Variants in NUP155 observed in about 807,000 individuals in gnomAD.
NUP155 encodes nuclear pore complex protein Nup155.
In NUP155, 71 loss-of-function variants were observed where a neutral mutation model predicts 180.4. The observed-to-expected ratio is 0.39, with a 90% CI of 0.33 to 0.48. NUP155 has a LOEUF of 0.48. NUP155 is among the 20% of genes least tolerant of loss of function. NUP155 has a pLI of 0.91. For missense variants in NUP155, 1,553 were observed against 1,648.9 expected (o/e 0.94, Z 1.01); for synonymous variants, 582 against 559.5 (o/e 1.04, Z -0.57).
At chr5:37,325,267 G>A (rs1225095324) in intron 19 of NUP155, among the ~76,000 whole-genome samples, 2 of 152,178 alleles carry the variant, frequency 1.3e-5, no homozygotes, top group African/African-American at 4.8e-5. Flanking sequence ...GTATTACATA[G>A]TAAAATTTGA....
intron 30 of NUP155, among the ~76,000 whole-genome samples, chr5:37,300,197 G>A (rs550654602): frequency 3.3e-5 from 5 of 152,044 alleles, no homozygotes; most frequent in African/African-American, 9.7e-5. Context: ...TATTTATGGG[G>A]TACATGAGAT....
chr5:37,298,254 G>A (rs1401210466), intron 32 of NUP155, among the ~76,000 whole-genome samples: 9 of 149,564 alleles, frequency 6.0e-5, no homozygotes, highest in Non-Finnish European at 1.3e-4. Flanking sequence ...AAAAAAAAAA[G>A]TTATATTGTG....
At chr5:37,293,017 G>A (rs1312991804) in intron 33 of NUP155, 32 bp from the exon 34 acceptor site, 2 of 1,357,718 alleles carry the variant, frequency 1.5e-6, no homozygotes, top group Non-Finnish European at 2.1e-6. Flanking sequence ...GAAATGTGAG[G>A]CAAATTGTGT....
intron 10 of NUP155, 45 bp from the exon 11 acceptor site, chr5:37,341,287 C>A: frequency 6.5e-7 from 1 of 1,543,322 alleles, no homozygotes; most frequent in Non-Finnish European, 9.0e-7. Context: ...AAAACAAGGA[C>A]CTGAGGTAAA....
chr5:37,331,635 C>T (rs1744967316), intron 14 of NUP155, 50 bp downstream of exon 14: 1 of 971,336 alleles, frequency 1.0e-6, no homozygotes, highest in Non-Finnish European at 1.6e-6. Context: ...CTATGACTCC[C>T]ACTGTTTGTT....
intron 20 of NUP155, among the ~76,000 whole-genome samples, chr5:37,322,690 G>C (rs1368373342): frequency 6.9e-6 from 1 of 144,972 alleles, no homozygotes. Flanking sequence ...CTGGGCGACA[G>C]AGCGAGACTC....
chr5:37,335,590 TTAAA>T (rs1179676467), intron 12 of NUP155, among the ~76,000 whole-genome samples: 4 of 152,138 alleles, frequency 2.6e-5, no homozygotes, highest in Non-Finnish European at 5.9e-5. Flanking sequence ...TTTATCACTC[TTAAA>T]TACTTTTGCA....
At chr5:37,304,991 C>T (rs1171280738) in intron 26 of NUP155, 66 bp downstream of exon 26, 2 of 1,569,458 alleles carry the variant, frequency 1.3e-6, no homozygotes, top group Non-Finnish European at 1.8e-6. Flanking sequence ...GATGACTGTG[C>T]TACCATTACC....
At chr5:37,308,676 C>A (rs1252236017) in intron 24 of NUP155, among the ~76,000 whole-genome samples, 2 of 151,164 alleles carry the variant, frequency 1.3e-5, no homozygotes, top group Non-Finnish European at 2.9e-5. Flanking sequence ...GCCTGGGTGA[C>A]AGAGCAAGAC....
At chr5:37,316,979 C>A (rs1323113111) in intron 21 of NUP155, among the ~76,000 whole-genome samples, 1 of 147,746 alleles carries the variant, frequency 6.8e-6, no homozygotes, top group Admixed American at 6.7e-5. Flanking sequence ...TGCTTAAACA[C>A]GGTGAAACCC....
chr5:37,319,238 T>A (rs913401828), intron 20 of NUP155, among the ~76,000 whole-genome samples: 1 of 152,204 alleles, frequency 6.6e-6, no homozygotes, highest in Non-Finnish European at 1.5e-5. Context: ...GTCTCCTAGA[T>A]AATGGAAGTG....
Position 37,331,776 on chromosome 5 carries a change from T to A in NUP155, c.1538A>T (p.Lys513Ile). 1 of 1,609,374 alleles carries A rather than the reference T, an allele frequency of 6.2e-7. No homozygotes were observed. ...LSAQGSLMFHKLRPVDQLRHL... is the reference protein window; with the variant it reads ...LSAQGSLMFHILRPVDQLRHL... ...CCTCAGTTGATCTACAGGTCTAAGT[T>A]TATGAAACATAAGGCTCCCCTAAGA... is the stretch of plus-strand genomic sequence containing the variant. Residue 513 changes from lysine (K) to isoleucine (I), a missense_variant, in exon 14 of 35, where the codon AAA (lysine) becomes ATA (isoleucine). By Grantham distance (102) the Lys-to-Ile change is moderately radical (BLOSUM62 -3). Transcript: ENST00000231498.
intron 17 of NUP155, 71 bp from the exon 18 acceptor site, chr5:37,327,847 C>T (rs1744705606): frequency 6.6e-7 from 1 of 1,526,678 alleles, no homozygotes; most frequent in Non-Finnish European, 9.0e-7. Context: ...TAATCTTAAT[C>T]TTAGAACCCA....
intron 12 of NUP155, 82 bp from the exon 13 acceptor site, chr5:37,333,715 G>T: frequency 1.0e-6 from 1 of 965,822 alleles, no homozygotes; most frequent in Non-Finnish European, 1.6e-6. Context: ...TAATAAAGAA[G>T]TAAATTTAAT....
At chr5:37,330,816 C>A (rs970795623) in intron 14 of NUP155, among the ~76,000 whole-genome samples, 1 of 152,106 alleles carries the variant, frequency 6.6e-6, no homozygotes, top group African/African-American at 2.4e-5. Flanking sequence ...TATCATATAA[C>A]CTGAACAAGA....
chr5:37,343,008 G>A (rs1283108975), intron 9 of NUP155, among the ~76,000 whole-genome samples: 1 of 152,166 alleles, frequency 6.6e-6, no homozygotes, highest in Non-Finnish European at 1.5e-5. Flanking sequence ...CTTCCAAAGT[G>A]CTGGGATTGG....
intron 3 of NUP155, among the ~76,000 whole-genome samples, chr5:37,361,577 C>T (rs1295277365): frequency 6.6e-6 from 1 of 152,158 alleles, no homozygotes. Context: ...CTGGCACAGC[C>T]TCTTGGAACT....
chr5:37,316,534 G>A lies in NUP155; in HGVS notation c.2305+1454C>T, dbSNP rs576884813. Reference sequence around the variant, plus strand: ...GGCTAGGGTGCAATGGCACAAATTCGGCTCACTGCAACCTCCGCCTGCTGG... The same window carrying A: ...GGCTAGGGTGCAATGGCACAAATTCAGCTCACTGCAACCTCCGCCTGCTGG... On this transcript the variant is annotated intron_variant, in intron 21 of 34. Transcript: ENST00000231498. Among the ~76,000 whole-genome samples the A allele has an allele frequency of 2.6e-4, 40 of 152,184 alleles. 1 individual carries two copies. In the South Asian group the frequency reaches 6.8e-3, roughly 26 times the overall value.
Position 37,293,603 on chromosome 5 carries a change from T to C in NUP155, c.3931-618A>G, listed in dbSNP as rs940479095. Among the ~76,000 whole-genome samples, 4 of 152,232 alleles carry C rather than the reference T, an allele frequency of 2.6e-5. No individual in the cohort carries two copies. The East Asian group carries it at 7.7e-4, about 29-fold the overall frequency. ...CTTAGCATAAAAATTACAAAACATA[T>C]AGTCTGATAAGGTTCAGCAGGGTGA... On this transcript the variant is annotated intron_variant, in intron 33 of 34. Coordinates refer to ENST00000231498, the MANE Select transcript of NUP155 (RefSeq NM_153485.3).
Sources: allele counts gnomAD v4.1 joint callset (sites outside exome capture counted in the v4.1 genomes callset), GRCh38; gene constraint gnomAD v4.1.1; transcripts MANE v1.5; gene names NCBI Gene and HGNC (gene_info 2026-07-23, HGNC 2026-07-21).